The following PVT1 variants were observed in gnomAD, a reference collection of about 807,000 sequenced individuals.
The protein encoded by PVT1 is CXCR4/PVT1 fusion.
intron 4 of PVT1, among the ~76,000 whole-genome samples, chr8:128,037,712 G>A (rs1371601503): frequency 6.6e-6 from 1 of 152,160 alleles, no homozygotes; most frequent in Admixed American, 6.5e-5. Context: ...AGCTTCTCAG[G>A]AGCACACGAA....
chr8:127,848,500 A>G (rs558612713), intron 2 of PVT1, among the ~76,000 whole-genome samples: 4 of 152,218 alleles, frequency 2.6e-5, no homozygotes, highest in Admixed American at 6.5e-5. Flanking sequence ...CCTGACCAAC[A>G]TGGAGAAACC....
intron 3 of PVT1, among the ~76,000 whole-genome samples, chr8:127,934,557 A>T (rs1479327982): frequency 6.6e-6 from 1 of 152,194 alleles, no homozygotes; most frequent in Non-Finnish European, 1.5e-5. Context: ...GGACTCCCAG[A>T]ATGGTCTTAG....
At chr8:127,905,114 C>T (rs1815804278) in intron 3 of PVT1, among the ~76,000 whole-genome samples, 1 of 152,214 alleles carries the variant, frequency 6.6e-6, no homozygotes, top group African/African-American at 2.4e-5. Context: ...TCTCCCCTGC[C>T]CTTCCCCAGC....
intron 3 of PVT1, among the ~76,000 whole-genome samples, chr8:127,936,786 TA>T (rs1307448291): frequency 6.6e-6 from 1 of 152,152 alleles, no homozygotes; most frequent in African/African-American, 2.4e-5. Context: ...GTCTTTGCTC[TA>T]AACTCTTCGC....
intron 5 of PVT1, among the ~76,000 whole-genome samples, chr8:128,075,677 G>A (rs1036862317): frequency 1.3e-5 from 2 of 152,060 alleles, no homozygotes; most frequent in African/African-American, 4.8e-5. Context: ...GAGTACTATT[G>A]TGTACACCTC....
Position 127,873,267 on chromosome 8 carries a change from C to G in PVT1, n.373-17322C>G, listed in dbSNP as rs77046982. Among the ~76,000 whole-genome samples the G allele has an allele frequency of 5.6e-3, 849 of 152,304 alleles. 12 individuals carry two copies. The highest frequency in any genetic ancestry group is 0.019 in the African/African-American group (799 of 41,572). ...ATTCCCATGACACACACCTGATTTA[C>G]CTTCAGCTCTTTTACTTGCTGGGTA... On this transcript the variant is annotated intron_variant and non_coding_transcript_variant, in intron 2 of 10. Coordinates refer to ENST00000651587, the Ensembl canonical transcript of PVT1.
chr8:128,000,470 G>C (rs759005227), intron 4 of PVT1, among the ~76,000 whole-genome samples: 2 of 152,236 alleles, frequency 1.3e-5, no homozygotes, highest in Non-Finnish European at 2.9e-5. Context: ...TAGCAAATCA[G>C]TTGTTGAGAA....
intron 3 of PVT1, among the ~76,000 whole-genome samples, chr8:127,940,682 C>G (rs1445126299): frequency 6.6e-6 from 1 of 151,966 alleles, no homozygotes; most frequent in Non-Finnish European, 1.5e-5. Flanking sequence ...GCCCACTGAA[C>G]CTTGACCTCC....
At chr8:127,952,834 A>G (rs919002545) in intron 3 of PVT1, among the ~76,000 whole-genome samples, 3 of 151,024 alleles carry the variant, frequency 2.0e-5, no homozygotes, top group Admixed American at 6.6e-5. Context: ...GCGCGATCTC[A>G]GCTCACTGCA....
intron 2 of PVT1, among the ~76,000 whole-genome samples, chr8:127,820,979 G>A (rs1048961465): frequency 6.6e-6 from 1 of 152,134 alleles, no homozygotes; most frequent in South Asian, 2.1e-4. Context: ...AAAGTGTTGG[G>A]ATTACAGACA....
intron 2 of PVT1, among the ~76,000 whole-genome samples, chr8:127,884,879 C>G (rs1415188200): frequency 6.6e-6 from 1 of 152,248 alleles, no homozygotes; most frequent in Non-Finnish European, 1.5e-5. Flanking sequence ...CACCACTTGA[C>G]TGCAGTAATA....
At chr8:127,891,372 A>C (rs1034547251) in intron 3 of PVT1, among the ~76,000 whole-genome samples, 2 of 152,220 alleles carry the variant, frequency 1.3e-5, no homozygotes, top group Non-Finnish European at 2.9e-5. Context: ...TTCAATGGAA[A>C]GATATGCATG....
chr8:128,043,352 G>T (rs1160676667), intron 4 of PVT1, among the ~76,000 whole-genome samples: 3 of 152,156 alleles, frequency 2.0e-5, no homozygotes, highest in Non-Finnish European at 4.4e-5. Flanking sequence ...GCTCTCCATG[G>T]CTTCTCACAG....
At chr8:127,899,445 C>T (rs999818057) in intron 3 of PVT1, among the ~76,000 whole-genome samples, 4 of 152,216 alleles carry the variant, frequency 2.6e-5, no homozygotes, top group African/African-American at 7.2e-5. Flanking sequence ...TCAGCTCAGG[C>T]AGTTCTTGGG....
chr8:128,021,805 G>A (rs1157677114), intron 4 of PVT1, among the ~76,000 whole-genome samples: 2 of 152,214 alleles, frequency 1.3e-5, no homozygotes, highest in Non-Finnish European at 2.9e-5. Context: ...GAGGTCTTCA[G>A]TGTCCTTTCT....
intron 3 of PVT1, among the ~76,000 whole-genome samples, chr8:127,895,899 G>A (rs1487300893): frequency 6.6e-6 from 1 of 152,204 alleles, no homozygotes; most frequent in African/African-American, 2.4e-5. Flanking sequence ...ATATGTAAAT[G>A]AGTGGGTGTG....
chr8:127,808,388 ATCCTAGG>A (rs1189445316), intron 2 of PVT1, among the ~76,000 whole-genome samples: 1 of 152,180 alleles, frequency 6.6e-6, no homozygotes, highest in Non-Finnish European at 1.5e-5. Flanking sequence ...GGGAAGGGAT[ATCCTAGG>A]TAAAGATAAT....
intron 4 of PVT1, among the ~76,000 whole-genome samples, chr8:128,061,379 A>G (rs970458675): frequency 1.3e-5 from 2 of 151,952 alleles, no homozygotes; most frequent in Non-Finnish European, 2.9e-5. Context: ...TATATGCCCC[A>G]TTTTATTTAT....
At chr8:128,095,523 A>G (rs929557862) in intron 5 of PVT1, among the ~76,000 whole-genome samples, 1 of 152,226 alleles carries the variant, frequency 6.6e-6, no homozygotes, top group African/African-American at 2.4e-5. Context: ...GAATTGGCAC[A>G]CTATGGCCCA....
Sources: allele counts gnomAD v4.1 joint callset (sites outside exome capture counted in the v4.1 genomes callset), GRCh38; gene constraint gnomAD v4.1.1; transcripts MANE v1.5; gene names NCBI Gene and HGNC (gene_info 2026-07-23, HGNC 2026-07-21).